The following LRRTM4 variants were observed in gnomAD, a reference collection of about 807,000 sequenced individuals.
LRRTM4 encodes leucine-rich repeat transmembrane neuronal protein 4.
LRRTM4 carries 25 observed loss-of-function variants against 47.6 expected under a neutral mutation model. That is an observed-to-expected ratio of 0.53 (90% CI 0.38 to 0.73). The LOEUF is 0.73. Among genes scored for constraint, LRRTM4 ranks in the 30% least tolerant of loss-of-function variants. LRRTM4 has a pLI of 0.00. For missense variants in LRRTM4, 638 were observed against 713.4 expected, an observed-to-expected ratio of 0.89 and a Z score of 1.20; for synonymous variants, 311 against 269.5, an observed-to-expected ratio of 1.15 and a Z score of -1.51.
intron 3 of LRRTM4, among the ~76,000 whole-genome samples, chr2:77,462,122 G>C (rs1009854141): frequency 6.6e-6 from 1 of 151,962 alleles, no homozygotes; most frequent in Non-Finnish European, 1.5e-5. Context: ...CATATACTTT[G>C]TTCCAACAAT....
At chr2:76,987,041 G>A (rs1676822733) in intron 3 of LRRTM4, among the ~76,000 whole-genome samples, 2 of 151,688 alleles carry the variant, frequency 1.3e-5, no homozygotes, top group Admixed American at 1.3e-4. Context: ...TTATTTTTTA[G>A]AAAGCGTGAA....
chr2:76,856,911 A>G (rs982352557), intron 3 of LRRTM4, among the ~76,000 whole-genome samples: 2 of 152,202 alleles, frequency 1.3e-5, no homozygotes, highest in Admixed American at 6.5e-5. Context: ...TTCAAAAACA[A>G]ACATGTATTT....
intron 3 of LRRTM4, among the ~76,000 whole-genome samples, chr2:77,174,387 C>T (rs970090852): frequency 6.6e-6 from 1 of 152,164 alleles, no homozygotes; most frequent in Non-Finnish European, 1.5e-5. Flanking sequence ...TTGGCTCTGC[C>T]ATTCTGTCAT....
chr2:77,090,277 A>AG lies in LRRTM4; in HGVS notation c.1552-341362_1552-341361insC, dbSNP rs894637238. 9.5e-4 allele frequency among the ~76,000 whole-genome samples: 144 copies of AG among 152,204 alleles called. 1 individual carries two copies. Among genetic ancestry groups the AG allele is most frequent in the African/African-American group, 3.2e-3 (134 of 41,540 alleles). On this transcript the variant is annotated intron_variant, in intron 3 of 3. Transcript: ENST00000409884. ...CTCCTTTTTCTTTATCCCAAATCAGAAGCGTTTAGGCTCTTTCTCATCAAA... is the reference window on the plus strand; with the variant it reads ...CTCCTTTTTCTTTATCCCAAATCAGAGAGCGTTTAGGCTCTTTCTCATCAAA...
At chr2:77,120,831 CAGTGGAGGAGAGCCTT>C (rs1671503572) in intron 3 of LRRTM4, among the ~76,000 whole-genome samples, 3 of 151,816 alleles carry the variant, frequency 2.0e-5, no homozygotes, top group Non-Finnish European at 4.4e-5. Context: ...GTATTTGTGT[CAGTGGAGGAGAGCCTT>C]TTTCTACCAA....
At chr2:77,413,537 T>A (rs1049682329) in intron 3 of LRRTM4, among the ~76,000 whole-genome samples, 22 of 152,326 alleles carry the variant, frequency 1.4e-4, no homozygotes, top group Admixed American at 2.6e-4. Flanking sequence ...ACCTGTGGAA[T>A]GGACAGTCCA....
intron 3 of LRRTM4, among the ~76,000 whole-genome samples, chr2:77,173,101 C>T (rs923538108): frequency 5.9e-5 from 9 of 152,062 alleles, no homozygotes; most frequent in Non-Finnish European, 1.0e-4. Context: ...AAGGAAGATA[C>T]GATCTTGATT....
chr2:77,201,350 G>A (rs1238760726), intron 3 of LRRTM4, among the ~76,000 whole-genome samples: 2 of 152,012 alleles, frequency 1.3e-5, no homozygotes, highest in African/African-American at 4.8e-5. Flanking sequence ...CCTTGCTTTT[G>A]CCTAGAGTTA....
chr2:76,789,713 A>T (rs919148754), intron 3 of LRRTM4, among the ~76,000 whole-genome samples: 2 of 152,190 alleles, frequency 1.3e-5, no homozygotes, highest in Non-Finnish European at 2.9e-5. Context: ...AGGAGTGTTA[A>T]TCTGGAATAA....
In LRRTM4 at chr2:77,519,758, G is replaced by A. The variant is rs1416908911; in HGVS notation, c.111C>T (p.Asn37=). The A allele has an allele frequency of 1.9e-6, 3 of 1,613,178 alleles. No individual in the cohort carries two copies. Among genetic ancestry groups the A allele is most frequent in the Non-Finnish European group, 2.5e-6 (3 of 1,179,550 alleles). Reference sequence around the variant, plus strand: ...ACACAATTTTGCCATCACATCTGCAGTTCTTTGGGCAAGCTCTCTGAGCAC... The same window carrying A: ...ACACAATTTTGCCATCACATCTGCAATTCTTTGGGCAAGCTCTCTGAGCAC... ...LTGAQRACPK[N]CRCDGKIVYC... is the part of the protein sequence containing the mutation. The change falls in exon 3 of 4, where the codon AAC becomes AAT. Residue 37 remains asparagine, a synonymous_variant. Coordinates refer to ENST00000409884, the MANE Select transcript of LRRTM4 (RefSeq NM_001134745.3). The surrounding 1 kb of genome is among the most constrained non-coding windows in gnomAD (Gnocchi z 4.6).
At chr2:77,277,665 C>A (rs747216268) in intron 3 of LRRTM4, among the ~76,000 whole-genome samples, 17 of 151,926 alleles carry the variant, frequency 1.1e-4, no homozygotes, top group Non-Finnish European at 5.9e-5. Flanking sequence ...TTAAATTTCT[C>A]CGTTCATATG....
At chr2:77,345,680 A>G (rs1671534152) in intron 3 of LRRTM4, among the ~76,000 whole-genome samples, 1 of 151,974 alleles carries the variant, frequency 6.6e-6, no homozygotes, top group African/African-American at 2.4e-5. Flanking sequence ...AGCAATTGCA[A>G]CCCTCATGCA....
chr2:77,180,385 G>A (rs796455271), intron 3 of LRRTM4, among the ~76,000 whole-genome samples: 1 of 151,936 alleles, frequency 6.6e-6, no homozygotes, highest in African/African-American at 2.4e-5. Context: ...TCTATATTTT[G>A]TATACTTTAA....
At chr2:76,768,122 C>CT (rs1398315528) in intron 3 of LRRTM4, among the ~76,000 whole-genome samples, 3 of 151,970 alleles carry the variant, frequency 2.0e-5, no homozygotes, top group Non-Finnish European at 4.4e-5. Flanking sequence ...GAGATAGAAT[C>CT]TTTTTTAAAA....
At chr2:76,861,493 A>G (rs568329303) in intron 3 of LRRTM4, among the ~76,000 whole-genome samples, 35 of 152,220 alleles carry the variant, frequency 2.3e-4, no homozygotes, top group African/African-American at 7.2e-4. Context: ...GCAGAGGTCT[A>G]TTGTGAGCAG....
intron 3 of LRRTM4, among the ~76,000 whole-genome samples, chr2:77,447,653 T>C (rs1465547157): frequency 2.0e-5 from 3 of 152,198 alleles, no homozygotes; most frequent in Non-Finnish European, 2.9e-5. Flanking sequence ...TCAACACGTA[T>C]GCAACTGTTA....
intron 3 of LRRTM4, among the ~76,000 whole-genome samples, chr2:76,947,895 A>T (rs1192146748): frequency 1.3e-5 from 2 of 151,494 alleles, no homozygotes; most frequent in African/African-American, 4.8e-5. Flanking sequence ...TTGCAAGGCG[A>T]CTCCCCAAAT....
At chr2:76,902,048 A>G (rs1438627656) in intron 3 of LRRTM4, among the ~76,000 whole-genome samples, 3 of 152,202 alleles carry the variant, frequency 2.0e-5, no homozygotes, top group Admixed American at 6.5e-5. Flanking sequence ...GAATGCAAGA[A>G]ATGTTTAGAT....
At chr2:76,770,316 T>G (rs1371407575) in intron 3 of LRRTM4, among the ~76,000 whole-genome samples, 1 of 152,228 alleles carries the variant, frequency 6.6e-6, no homozygotes, top group Non-Finnish European at 1.5e-5. Context: ...ACTCATTTCT[T>G]AATAACAGTA....
Sources: allele counts gnomAD v4.1 joint callset (sites outside exome capture counted in the v4.1 genomes callset), GRCh38; gene constraint gnomAD v4.1.1; non-coding constraint Gnocchi (gnomAD v3.1); transcripts MANE v1.5; gene names NCBI Gene and HGNC (gene_info 2026-07-23, HGNC 2026-07-21).